RNGTT: variants seen among roughly 807,000 people sequenced by gnomAD.
The protein encoded by RNGTT is mRNA-capping enzyme.
RNGTT carries 33 observed loss-of-function variants against 79.3 expected under a neutral mutation model. That is an observed-to-expected ratio of 0.42 (90% CI 0.32 to 0.56). The LOEUF is 0.56. Among genes scored for constraint, RNGTT ranks in the 20% least tolerant of loss-of-function variants. RNGTT has a pLI of 0.17. For missense variants in RNGTT, 497 were observed against 739.1 expected, an observed-to-expected ratio of 0.67 and a Z score of 3.80; for synonymous variants, 222 against 235.9, an observed-to-expected ratio of 0.94 and a Z score of 0.54.
intron 6 of RNGTT, among the ~76,000 whole-genome samples, chr6:88,896,651 T>TGC (rs1783259079): frequency 6.6e-6 from 1 of 152,204 alleles, no homozygotes. Context: ...CACATTCCAG[T>TGC]GCCTGAGTTC....
intron 14 of RNGTT, among the ~76,000 whole-genome samples, chr6:88,664,407 G>A (rs116588533): frequency 0.02 from 3,102 of 152,262 alleles, 115 homozygotes; most frequent in African/African-American, 0.069. Flanking sequence ...CTGAAGAAAC[G>A]GGCTGGGTTT....
chr6:88,769,364 T>C (rs1173460212), intron 13 of RNGTT, among the ~76,000 whole-genome samples: 1 of 152,122 alleles, frequency 6.6e-6, no homozygotes, highest in Non-Finnish European at 1.5e-5. Flanking sequence ...TTCGTCATGT[T>C]GCCCAGGCTA....
intron 8 of RNGTT, among the ~76,000 whole-genome samples, chr6:88,869,167 G>A (rs892940750): frequency 5.3e-5 from 8 of 152,096 alleles, no homozygotes; most frequent in African/African-American, 1.9e-4. Flanking sequence ...CCGTATCTAA[G>A]TGCACCAAAT....
intron 13 of RNGTT, among the ~76,000 whole-genome samples, chr6:88,717,810 AC>A (rs1238103805): frequency 2.0e-5 from 3 of 151,700 alleles, no homozygotes; most frequent in Non-Finnish European, 4.4e-5. Flanking sequence ...ACAGCAGCCC[AC>A]CCCCACCAAC....
At chr6:88,826,875 A>G (rs1206401226) in intron 11 of RNGTT, among the ~76,000 whole-genome samples, 1 of 146,822 alleles carries the variant, frequency 6.8e-6, no homozygotes, top group Non-Finnish European at 1.5e-5. Context: ...TATATAATAT[A>G]CTATAAAAAT....
chr6:88,629,786 A>T (rs1415817008), intron 14 of RNGTT, among the ~76,000 whole-genome samples: 1 of 152,200 alleles, frequency 6.6e-6, no homozygotes. Flanking sequence ...TAAGGTAGGT[A>T]GCTTTTCATC....
In RNGTT at chr6:88,694,057, C is replaced by T. The variant is rs189000140; in HGVS notation, c.1440-15638G>A. Among the ~76,000 whole-genome samples, 900 of 152,268 alleles carry T rather than the reference C, an allele frequency of 5.9e-3. 16 individuals are homozygous for T. The highest frequency in any genetic ancestry group is 0.02 in the African/African-American group (818 of 41,556). On this transcript the variant is annotated intron_variant, in intron 13 of 15. Coordinates refer to ENST00000369485, the MANE Select transcript of RNGTT (RefSeq NM_003800.5). ...ATCAGGAACAAAGCAAAGACCACTA[C>T]TCTCACCACTTCTCTTCAACACAGT...
At chr6:88,923,861 A>T (rs1225650785) in intron 4 of RNGTT, among the ~76,000 whole-genome samples, 1 of 152,240 alleles carries the variant, frequency 6.6e-6, no homozygotes, top group Admixed American at 6.5e-5. Flanking sequence ...CAATTAAAAT[A>T]GTTTTGTTCC....
chr6:88,855,174 CA>C (rs976739398), intron 8 of RNGTT, among the ~76,000 whole-genome samples: 1 of 150,960 alleles, frequency 6.6e-6, no homozygotes, highest in African/African-American at 2.4e-5. Flanking sequence ...GAGGTATGTC[CA>C]AAAAAAAGGC....
chr6:88,680,813 T>C (rs1462618850), intron 13 of RNGTT, among the ~76,000 whole-genome samples: 3 of 151,132 alleles, frequency 2.0e-5, no homozygotes, highest in Non-Finnish European at 4.4e-5. Context: ...CTAAATACAA[T>C]TCTGAATTAA....
intron 11 of RNGTT, among the ~76,000 whole-genome samples, chr6:88,812,945 A>G (rs1190612684): frequency 6.6e-6 from 1 of 152,208 alleles, no homozygotes; most frequent in African/African-American, 2.4e-5. Flanking sequence ...TTTTTAGAAA[A>G]TGATGAGAAG....
At chr6:88,698,209 GAAATATATATATC>G (rs1775788847) in intron 13 of RNGTT, among the ~76,000 whole-genome samples, 7 of 96,016 alleles carry the variant, frequency 7.3e-5, no homozygotes, top group African/African-American at 4.0e-4. Context: ...TGATATATAT[GAAATATATATATC>G]ATATATATAT....
chr6:88,678,155 G>C (rs1330757032), intron 14 of RNGTT, 198 bp downstream of exon 14: 1 of 1,154,988 alleles, frequency 8.7e-7, no homozygotes, highest in Non-Finnish European at 1.1e-6. Flanking sequence ...CTTGGCTAAT[G>C]ACAAAAAATT....
At chr6:88,956,895 C>G (rs1001525989) in intron 1 of RNGTT, among the ~76,000 whole-genome samples, 4 of 151,928 alleles carry the variant, frequency 2.6e-5, no homozygotes, top group Non-Finnish European at 5.9e-5. Context: ...AAAAATTAGC[C>G]AGACGTGGTG....
intron 4 of RNGTT, among the ~76,000 whole-genome samples, chr6:88,924,067 G>T (rs546041558): frequency 1.3e-5 from 2 of 152,134 alleles, no homozygotes; most frequent in Non-Finnish European, 2.9e-5. Flanking sequence ...CAATGCTGGG[G>T]GGCTCCATCC....
intron 2 of RNGTT, among the ~76,000 whole-genome samples, chr6:88,939,090 A>T (rs957919131): frequency 6.6e-6 from 1 of 152,124 alleles, no homozygotes; most frequent in Non-Finnish European, 1.5e-5. Context: ...TGTGGAGAAG[A>T]CCTTTTTAGA....
chr6:88,837,705 C>T (rs1781127819), intron 11 of RNGTT, among the ~76,000 whole-genome samples: 1 of 151,396 alleles, frequency 6.6e-6, no homozygotes, highest in Non-Finnish European at 1.5e-5. Context: ...CAGATCTAAA[C>T]AGAAAAAAAA....
chr6:88,707,725 T>TAAAAAAAAA (rs60313151), intron 13 of RNGTT, among the ~76,000 whole-genome samples: 1 of 123,564 alleles, frequency 8.1e-6, no homozygotes, highest in Non-Finnish European at 1.7e-5. Context: ...TCCCTAACAT[T>TAAAAAAAAA]AAAAAAAAAA....
intron 14 of RNGTT, among the ~76,000 whole-genome samples, chr6:88,659,227 T>C (rs951576298): frequency 3.9e-5 from 6 of 152,148 alleles, no homozygotes; most frequent in Non-Finnish European, 8.8e-5. Flanking sequence ...TCTGGTATGA[T>C]GAAACAAGGT....
Sources: allele counts gnomAD v4.1 joint callset (sites outside exome capture counted in the v4.1 genomes callset), GRCh38; gene constraint gnomAD v4.1.1; transcripts MANE v1.5; gene names NCBI Gene and HGNC (gene_info 2026-07-23, HGNC 2026-07-21).